Variants in KAT6A observed in about 807,000 individuals in gnomAD.
KAT6A encodes histone acetyltransferase KAT6A.
Under a neutral mutation model 198.4 loss-of-function variants are expected in KAT6A, and 9 were observed. That is an observed-to-expected ratio of 0.05 (90% CI 0.03 to 0.08). KAT6A has a LOEUF of 0.08. Ranked by LOEUF, KAT6A falls within the 10% of genes least tolerant of loss-of-function variation. The pLI is 1.00. For synonymous variants in KAT6A, 890 were observed against 883.0 expected (o/e 1.01, Z -0.14); for missense variants, 2,077 against 2,509.9 (o/e 0.83, Z 3.69).
intron 2 of KAT6A, among the ~76,000 whole-genome samples, chr8:42,027,515 A>G (rs1382843787): frequency 6.6e-6 from 1 of 151,974 alleles, no homozygotes; most frequent in Non-Finnish European, 1.5e-5. Context: ...TTCCTGATTC[A>G]ATTTTGGTAG....
intron 2 of KAT6A, among the ~76,000 whole-genome samples, chr8:42,016,721 A>T (rs530660820): frequency 1.3e-5 from 2 of 152,184 alleles, no homozygotes; most frequent in Non-Finnish European, 2.9e-5. Context: ...GAGGAGGGAG[A>T]TAGAAGAAAT....
chr8:42,049,020 C>T lies in KAT6A; in HGVS notation c.-43G>A. 6.4e-7 allele frequency: 1 copy of T among 1,565,804 alleles called. No individual in the cohort carries two copies. Among genetic ancestry groups the T allele is most frequent in the Non-Finnish European group, 8.6e-7 (1 of 1,160,440 alleles). ...ATCCATAGAGTCGTTATCCCTTATC[C>T]TGATGCTGAGTAAGTTTTACACCAT... On this transcript the variant is annotated 5_prime_UTR_variant, in exon 2 of 17. Coordinates refer to ENST00000265713, the MANE Select transcript of KAT6A (RefSeq NM_006766.5).
intron 2 of KAT6A, among the ~76,000 whole-genome samples, chr8:42,039,093 T>C (rs566425068): frequency 1.3e-5 from 2 of 152,260 alleles, no homozygotes; most frequent in Admixed American, 1.3e-4. Flanking sequence ...CTGCTTTCAT[T>C]TTCCTGGGAA....
intron 2 of KAT6A, among the ~76,000 whole-genome samples, chr8:42,012,277 T>C (rs1299253009): frequency 1.3e-5 from 2 of 152,194 alleles, no homozygotes; most frequent in Non-Finnish European, 2.9e-5. Context: ...AATGAAAACC[T>C]AGAGTAGTAG....
Position 41,937,413 on chromosome 8 carries a change from A to G in KAT6A, c.3195T>C (p.Phe1065=). The G allele has an allele frequency of 6.2e-7, 1 of 1,614,092 alleles. No homozygotes were observed. Among genetic ancestry groups the G allele is most frequent in the Non-Finnish European group, 8.5e-7 (1 of 1,179,978 alleles). Residue 1065 remains phenylalanine (F), a synonymous_variant, in exon 16 of 17, where the codon TTT becomes TTC. Transcript: ENST00000265713. ...CTTCCTCCTCTTCTTCATCGATCTC[A>G]AACGTGGGTTCTAATCTTGGCATTG... ...ERPMPRLEPT[F]EIDEEEEEED...
chr8:42,046,031 A>G (rs1004481978), intron 2 of KAT6A, among the ~76,000 whole-genome samples: 1 of 152,152 alleles, frequency 6.6e-6, no homozygotes, highest in Non-Finnish European at 1.5e-5. Flanking sequence ...GTCTCAACAA[A>G]GGTCCTTAGC....
At position 41,933,805 on chromosome 8, in the gene KAT6A, T is replaced by C. The variant is rs1331940558; in HGVS notation, c.4415A>G (p.Glu1472Gly). 6.2e-7 allele frequency: 1 copy of C among 1,614,108 alleles called. No homozygotes were observed. Among genetic ancestry groups the C allele is most frequent in the Non-Finnish European group, 8.5e-7 (1 of 1,180,018 alleles). The change falls in exon 17 of 17, where the codon GAA becomes GGA. Residue 1472 changes from glutamate to glycine, a missense_variant. Around this residue, in one of 13 missense-constraint regions of KAT6A, gnomAD observed 178 missense variants for 220.8 expected, o/e 0.81. Coordinates refer to ENST00000265713, the MANE Select transcript of KAT6A (RefSeq NM_006766.5). The surrounding 1 kb of genome is among the most constrained non-coding windows in gnomAD (Gnocchi z 6.2). The stretch of plus-strand genomic sequence containing the variant: ...ATTATGTTCTGACGCATGACAGTCT[T>C]CAACCATGGACATCTGAGGGTCCTC... ...ADEDPQMSMV[E>G]DCHASEHNSP...
At chr8:42,038,228 T>C (rs1827473259) in intron 2 of KAT6A, among the ~76,000 whole-genome samples, 2 of 152,206 alleles carry the variant, frequency 1.3e-5, no homozygotes. Context: ...CAAGGAGTAC[T>C]TTTTCTTCCA....
chr8:42,013,922 T>C (rs548944993), intron 2 of KAT6A, among the ~76,000 whole-genome samples: 17 of 152,230 alleles, frequency 1.1e-4, no homozygotes, highest in Non-Finnish European at 2.5e-4. Context: ...TATATTCAGT[T>C]CTGAGGTCAC....
chr8:42,040,165 TAA>T (rs548431449), intron 2 of KAT6A, among the ~76,000 whole-genome samples: 1,808 of 147,928 alleles, frequency 0.012, 31 homozygotes, highest in African/African-American at 0.043. Context: ...TTAAAACACT[TAA>T]AAAAAAAAGT....
At chr8:41,935,466 T>A (rs573623093) in intron 16 of KAT6A, among the ~76,000 whole-genome samples, 82 of 152,312 alleles carry the variant, frequency 5.4e-4, no homozygotes, top group African/African-American at 1.9e-3. Flanking sequence ...TATTTAGTCC[T>A]AGACAAAAAC....
In KAT6A at chr8:41,974,772, C is replaced by T; in HGVS notation, c.1414G>A (p.Gly472Arg). 1 of 1,610,144 alleles carries T rather than the reference C, an allele frequency of 6.2e-7. No homozygotes were observed. Among genetic ancestry groups the T allele is most frequent in the Non-Finnish European group, 8.5e-7 (1 of 1,178,062 alleles). The change falls in exon 8 of 17, where the codon GGG becomes AGG. Residue 472 changes from glycine (G) to arginine (R), a missense_variant. Physicochemically the swap from Gly to Arg is moderately radical, Grantham distance 125. This residue lies in a region of KAT6A where 206 missense variants were observed against 214.9 expected (regional missense o/e 0.96). Coordinates refer to ENST00000265713, the MANE Select transcript of KAT6A (RefSeq NM_006766.5). The part of the protein sequence containing the change: ...GKQENEERLF[G>R]SQEIMTEKDM... Reference sequence around the variant, plus strand: ...TTCTCAGTCATGATTTCCTGGCTCCCAAAAAGTCGCTCCTCATTTTCTTGT... The same window carrying T: ...TTCTCAGTCATGATTTCCTGGCTCCTAAAAAGTCGCTCCTCATTTTCTTGT...
chr8:42,007,267 T>C (rs1015540057), intron 2 of KAT6A, among the ~76,000 whole-genome samples: 1 of 152,174 alleles, frequency 6.6e-6, no homozygotes, highest in African/African-American at 2.4e-5. Context: ...ACCAATAAAG[T>C]AGATAGTCTG....
At chr8:41,951,469 A>C (rs1055041584) in intron 9 of KAT6A, among the ~76,000 whole-genome samples, 1 of 152,212 alleles carries the variant, frequency 6.6e-6, no homozygotes, top group African/African-American at 2.4e-5. Context: ...AATGAAATGT[A>C]GTTATAAAGA....
At chr8:42,015,270 T>C (rs1205361387) in intron 2 of KAT6A, among the ~76,000 whole-genome samples, 1 of 152,200 alleles carries the variant, frequency 6.6e-6, no homozygotes, top group Non-Finnish European at 1.5e-5. Context: ...TTGCAATCTA[T>C]AGCCAGATCC....
At chr8:41,971,315 T>G (rs1275857169) in intron 8 of KAT6A, among the ~76,000 whole-genome samples, 1 of 151,958 alleles carries the variant, frequency 6.6e-6, no homozygotes, top group African/African-American at 2.4e-5. Flanking sequence ...GTAGGTACTA[T>G]GCAGAAAAAG....
intron 15 of KAT6A, among the ~76,000 whole-genome samples, chr8:41,938,447 T>C (rs1012627931): frequency 7.2e-5 from 11 of 152,206 alleles, no homozygotes; most frequent in African/African-American, 2.4e-4. Flanking sequence ...CAATGTTCAA[T>C]TTTTCTCTAC....
intron 12 of KAT6A, 78 bp downstream of exon 12, chr8:41,946,513 C>CA: frequency 2.8e-6 from 2 of 707,526 alleles, no homozygotes; most frequent in Non-Finnish European, 5.0e-6. Context: ...CACACACACA[C>CA]ACACACACAC....
chr8:42,001,309 T>C (rs1825485071), intron 2 of KAT6A, among the ~76,000 whole-genome samples: 1 of 152,208 alleles, frequency 6.6e-6, no homozygotes, highest in Non-Finnish European at 1.5e-5. Context: ...TAAGACCTTT[T>C]ATTTTAACAC....
Sources: gnomAD v4.1 joint callset for allele counts (sites outside exome capture counted in the v4.1 genomes callset) on GRCh38, gnomAD v4.1.1 for gene constraint, gnomAD v4.1.1 regional missense constraint, Gnocchi (gnomAD v3.1) non-coding constraint, MANE v1.5 for transcripts, NCBI Gene and HGNC (gene_info 2026-07-23, HGNC 2026-07-21) for gene names.